The following DNAJC6 variants were observed in gnomAD, a reference collection of about 807,000 sequenced individuals.
DNAJC6 encodes auxilin.
In DNAJC6, 34 loss-of-function variants were observed where a neutral mutation model predicts 110.0. That is an observed-to-expected ratio of 0.31 (90% CI 0.24 to 0.41). DNAJC6 has a LOEUF of 0.41. Among genes scored for constraint, DNAJC6 ranks in the 10% least tolerant of loss-of-function variants. The pLI, the probability that DNAJC6 is intolerant of heterozygous loss-of-function variation, is 1.00. For missense variants in DNAJC6, 1,031 were observed against 1,207.8 expected (o/e 0.85, Z 2.17); for synonymous variants, 406 against 437.2 (o/e 0.93, Z 0.89).
chr1:65,399,884 T>A (rs1646013879), intron 14 of DNAJC6, among the ~76,000 whole-genome samples: 1 of 152,172 alleles, frequency 6.6e-6, no homozygotes, highest in African/African-American at 2.4e-5. Context: ...GTTTTTAATT[T>A]AAAAATTTTT....
At chr1:65,399,889 A>AT (rs917267298) in intron 14 of DNAJC6, among the ~76,000 whole-genome samples, 1 of 152,026 alleles carries the variant, frequency 6.6e-6, no homozygotes, top group Admixed American at 6.6e-5. Context: ...TAATTTAAAA[A>AT]TTTTTTTTGG....
upstream of DNAJC6, among the ~76,000 whole-genome samples, chr1:65,305,629 G>T (rs1164223847): frequency 6.6e-6 from 1 of 152,060 alleles, no homozygotes; most frequent in East Asian, 1.9e-4. Flanking sequence ...AGTGTCATGG[G>T]GGACACAAAC....
intron 4 of DNAJC6, among the ~76,000 whole-genome samples, chr1:65,375,798 G>T (rs1645760536): frequency 6.6e-6 from 1 of 152,136 alleles, no homozygotes; most frequent in East Asian, 1.9e-4. Context: ...GCAAGTATTT[G>T]GTTGAGGATT....
chr1:65,365,820 G>A, intron 2 of DNAJC6, 65 bp from the exon 3 acceptor site: 7 of 1,561,382 alleles, frequency 4.5e-6, no homozygotes, highest in Non-Finnish European at 6.1e-6. Context: ...GCAAGTGATT[G>A]AGAGAGAGAA....
intron 16 of DNAJC6, among the ~76,000 whole-genome samples, chr1:65,406,363 G>T (rs899363038): frequency 1.3e-5 from 2 of 152,136 alleles, no homozygotes; most frequent in Admixed American, 6.5e-5. Flanking sequence ...GTGACCGTGG[G>T]CTCACTTGGC....
chr1:65,275,767 A>T, intron 1 of DNAJC6, among the ~76,000 whole-genome samples: 1 of 148,134 alleles, frequency 6.8e-6, no homozygotes. Flanking sequence ...TTTCTTTTTT[A>T]GTTTTGTTAT....
At position 65,413,899 on chromosome 1, in the gene DNAJC6, G is replaced by A. The variant is rs1646149975; in HGVS notation, c.*874G>A. The A allele has an allele frequency of 1.3e-5, 2 of 152,120 alleles. No individual in the cohort carries two copies. Among genetic ancestry groups the A allele is most frequent in the African/African-American group, 2.4e-5 (1 of 41,404 alleles). 9.4% of individuals were successfully genotyped at this position (152,120 alleles called of 1,614,324 possible). ...TTAGCCAAGAAAACATTCTTAGTTG[G>A]AAACAGGTGGTAAAGTAGTTTGGCC... On this transcript the variant is annotated 3_prime_UTR_variant, in exon 19 of 19. Coordinates refer to ENST00000371069, the MANE Select transcript of DNAJC6 (RefSeq NM_001256864.2).
At chr1:65,266,089 TC>T (rs992591501) in intron 1 of DNAJC6, among the ~76,000 whole-genome samples, 2 of 152,186 alleles carry the variant, frequency 1.3e-5, no homozygotes, top group Admixed American at 1.3e-4. Flanking sequence ...GCAGCGACCC[TC>T]CCCACGCCGG....
At chr1:65,408,539 G>A (rs1253396904) in intron 16 of DNAJC6, 102 bp from the exon 17 acceptor site, 1 of 1,300,472 alleles carries the variant, frequency 7.7e-7, no homozygotes, top group African/African-American at 1.5e-5. Flanking sequence ...AGGACTGAAT[G>A]CATATTAAAA....
intron 1 of DNAJC6, among the ~76,000 whole-genome samples, chr1:65,337,785 C>T (rs918393344): frequency 2.6e-5 from 4 of 152,114 alleles, no homozygotes; most frequent in African/African-American, 9.7e-5. Context: ...AAATACTACA[C>T]GATTTTATAT....
chr1:65,386,344 A>G (rs1172587319), intron 7 of DNAJC6, among the ~76,000 whole-genome samples: 1 of 152,190 alleles, frequency 6.6e-6, no homozygotes, highest in Non-Finnish European at 1.5e-5. Flanking sequence ...GGATGTGGAG[A>G]GAAGGGAGTG....
intron 1 of DNAJC6, among the ~76,000 whole-genome samples, chr1:65,330,694 C>T (rs1284357568): frequency 1.3e-5 from 2 of 152,174 alleles, no homozygotes; most frequent in Non-Finnish European, 2.9e-5. Context: ...GTCTCAATCT[C>T]CTGACCTCGT....
intron 1 of DNAJC6, among the ~76,000 whole-genome samples, chr1:65,286,490 T>C (rs1654023718): frequency 6.6e-6 from 1 of 152,158 alleles, no homozygotes; most frequent in South Asian, 2.1e-4. Context: ...CAAGCAGTCC[T>C]CCTGCTTCAG....
intron 1 of DNAJC6, among the ~76,000 whole-genome samples, chr1:65,353,590 T>G (rs1038240940): frequency 2.0e-5 from 3 of 152,242 alleles, no homozygotes; most frequent in Non-Finnish European, 4.4e-5. Context: ...CCTATCTTTA[T>G]TATACGCAGA....
chr1:65,361,663 A>G (rs1247158349), intron 1 of DNAJC6, among the ~76,000 whole-genome samples: 2 of 152,248 alleles, frequency 1.3e-5, no homozygotes, highest in Non-Finnish European at 2.9e-5. Flanking sequence ...TAAGGAGAAT[A>G]TAGAGTGAAG....
chr1:65,315,633 T>C (rs551741311), intron 1 of DNAJC6, among the ~76,000 whole-genome samples: 1 of 152,188 alleles, frequency 6.6e-6, no homozygotes, highest in African/African-American at 2.4e-5. Flanking sequence ...ACAATTTAAT[T>C]ATTATAATTC....
Position 65,366,068 on chromosome 1 carries a change from A to T in DNAJC6, c.415A>T (p.Asn139Tyr). The T allele has an allele frequency of 6.2e-7, 1 of 1,613,872 alleles. No homozygotes were observed. The highest frequency in any genetic ancestry group is 1.1e-5 in the South Asian group (1 of 91,078). ...CCTAGTGATGTCCTTTCCTCTGGACAATGTTGACATAGGATTCAGGAATCA... is the reference window on the plus strand; with the variant it reads ...CCTAGTGATGTCCTTTCCTCTGGACTATGTTGACATAGGATTCAGGAATCA... ...RIIVMSFPLDNVDIGFRNQVD... is the reference protein window; with the variant it reads ...RIIVMSFPLDYVDIGFRNQVD... Residue 139 changes from asparagine to tyrosine, a missense_variant, in exon 4 of 19, where the codon AAT becomes TAT. Asn to Tyr is a moderately radical substitution (Grantham distance 143, BLOSUM62 -2). Coordinates refer to ENST00000371069, the MANE Select transcript of DNAJC6 (RefSeq NM_001256864.2).
At chr1:65,299,333 G>T (rs1437805085) in intron 1 of DNAJC6, among the ~76,000 whole-genome samples, 4 of 152,136 alleles carry the variant, frequency 2.6e-5, no homozygotes, top group African/African-American at 9.7e-5. Context: ...AAATATTCTA[G>T]ACTGTATTGA....
chr1:65,362,889 A>G (rs1333517771), intron 1 of DNAJC6, among the ~76,000 whole-genome samples: 2 of 152,242 alleles, frequency 1.3e-5, no homozygotes, highest in Non-Finnish European at 2.9e-5. Flanking sequence ...ATTAACAAAC[A>G]GGTGTTTCTT....
Sources: gnomAD v4.1 joint callset for allele counts (sites outside exome capture counted in the v4.1 genomes callset) on GRCh38, gnomAD v4.1.1 for gene constraint, MANE v1.5 for transcripts, NCBI Gene and HGNC (gene_info 2026-07-23, HGNC 2026-07-21) for gene names.